NAV3: variants seen among roughly 807,000 people sequenced by gnomAD.
NAV3 encodes the protein pore membrane and/or filament interacting like protein 1.
NAV3 carries 87 observed loss-of-function variants against 244.7 expected under a neutral mutation model. The ratio of observed to expected loss-of-function variants is 0.36; its 90% CI spans 0.30 to 0.42. The LOEUF is 0.42. Ranked by LOEUF, NAV3 falls within the 20% of genes least tolerant of loss-of-function variation. The probability of loss-of-function intolerance (pLI) is 1.00; values close to 1 mark genes in which losing one functional copy is unlikely to be tolerated. For missense variants in NAV3, 2,663 were observed against 2,893.3 expected (o/e 0.92, Z 1.83); for synonymous variants, 1,126 against 1,042.2 (o/e 1.08, Z -1.55).
intron 2 of NAV3, among the ~76,000 whole-genome samples, chr12:77,602,779 A>G (rs77652640): frequency 0.02 from 3,080 of 152,090 alleles, 46 homozygotes; most frequent in Middle Eastern, 0.075. Context: ...TCAGCCTCCT[A>G]CCTGTCAGAA....
intron 2 of NAV3, among the ~76,000 whole-genome samples, chr12:77,591,356 T>G (rs2136718543): frequency 6.6e-6 from 1 of 152,314 alleles, no homozygotes; most frequent in South Asian, 2.1e-4. Context: ...CCTTTTCAGG[T>G]TTTTAGGATT....
chr12:77,946,650 T>A (rs1179053086), intron 3 of NAV3, among the ~76,000 whole-genome samples: 2 of 152,066 alleles, frequency 1.3e-5, no homozygotes, highest in African/African-American at 4.8e-5. Context: ...AAATATATAC[T>A]GCATGTCCCA....
At chr12:77,850,343 A>T (rs1423849860) in intron 1 of NAV3, among the ~76,000 whole-genome samples, 2 of 152,190 alleles carry the variant, frequency 1.3e-5, no homozygotes, top group Non-Finnish European at 2.9e-5. Flanking sequence ...GTGATGTATG[A>T]TATGGATCTT....
chr12:78,041,828 A>C (rs1880908431), intron 9 of NAV3, among the ~76,000 whole-genome samples: 1 of 152,188 alleles, frequency 6.6e-6, no homozygotes, highest in South Asian at 2.1e-4. Flanking sequence ...TAACAGATTA[A>C]ATAGTTAGCT....
intron 12 of NAV3, among the ~76,000 whole-genome samples, chr12:78,109,693 G>T (rs1265196243): frequency 6.6e-6 from 1 of 151,650 alleles, no homozygotes; most frequent in Non-Finnish European, 1.5e-5. Context: ...TAAGACAAAT[G>T]AATATATGAT....
At chr12:77,575,749 C>A (rs1320101601) in intron 2 of NAV3, among the ~76,000 whole-genome samples, 1 of 152,040 alleles carries the variant, frequency 6.6e-6, no homozygotes, top group Non-Finnish European at 1.5e-5. Context: ...TTCAGACAAC[C>A]CTGGAACACT....
chr12:77,824,097 CAG>C (rs1213233892), intron 2 of NAV3, among the ~76,000 whole-genome samples: 4 of 152,018 alleles, frequency 2.6e-5, no homozygotes, highest in African/African-American at 7.2e-5. Flanking sequence ...TTTTTTTAGA[CAG>C]AGTCTCACTC....
intron 2 of NAV3, among the ~76,000 whole-genome samples, chr12:77,660,600 A>G (rs1293778661): frequency 2.0e-5 from 3 of 152,158 alleles, no homozygotes; most frequent in African/African-American, 7.2e-5. Flanking sequence ...GGAAACAGGT[A>G]TGATTGTATG....
At chr12:77,961,450 A>T (rs1237907551) in intron 3 of NAV3, among the ~76,000 whole-genome samples, 1 of 134,042 alleles carries the variant, frequency 7.5e-6, no homozygotes, top group Non-Finnish European at 1.6e-5. Flanking sequence ...CATACATGTA[A>T]TATATGTATA....
At chr12:77,886,980 GT>G (rs1435972547) in intron 1 of NAV3, among the ~76,000 whole-genome samples, 6 of 152,076 alleles carry the variant, frequency 3.9e-5, no homozygotes, top group South Asian at 4.1e-4. Context: ...TTTGACAACA[GT>G]TTTTCATGTT....
At chr12:77,991,824 A>C (rs2136363747) in intron 5 of NAV3, among the ~76,000 whole-genome samples, 1 of 152,296 alleles carries the variant, frequency 6.6e-6, no homozygotes, top group East Asian at 1.9e-4. Context: ...AGAGGTCAGG[A>C]GTTTGAGACC....
chr12:77,888,168 C>T (rs1037989658), intron 1 of NAV3, among the ~76,000 whole-genome samples: 2 of 152,074 alleles, frequency 1.3e-5, no homozygotes, highest in South Asian at 2.1e-4. Context: ...TAAACCCATA[C>T]TCTAACTAAA....
At chr12:77,643,401 C>T (rs1872501158) in intron 2 of NAV3, among the ~76,000 whole-genome samples, 1 of 151,626 alleles carries the variant, frequency 6.6e-6, no homozygotes, top group Non-Finnish European at 1.5e-5. Flanking sequence ...ACTAACAGAT[C>T]TAAATATCTT....
chr12:78,129,640 T>G (rs185656507), intron 18 of NAV3, among the ~76,000 whole-genome samples: 25 of 152,286 alleles, frequency 1.6e-4, no homozygotes. Flanking sequence ...AAAAATATAT[T>G]TATTTTCTAT....
In NAV3 at chr12:77,755,611, C is replaced by CCTTCCTTCCTTCCT. The variant is rs1565800434; in HGVS notation, c.72+183345_72+183346insCTTCCTTCCTTCCT. On this transcript the variant is annotated intron_variant, in intron 2 of 8. Coordinates refer to the NAV3 transcript ENST00000550042. ...CCTCCCTCCCTCCCTCCCTCCCTCC[C>CCTTCCTTCCTTCCT]TCCTTCCTTCCTTCCTTCCTTCCTT... Among the ~76,000 whole-genome samples, 29 of 38,248 alleles carry CCTTCCTTCCTTCCT rather than the reference C, an allele frequency of 7.6e-4. 1 individual carries two copies. The highest frequency in any genetic ancestry group is 1.3e-3 in the Non-Finnish European group (26 of 20,224). The allele number at this position is 38,248 out of a possible 152,430, so 25.1% of individuals were successfully genotyped here.
In NAV3 at chr12:77,966,213, G is replaced by A; in HGVS notation, c.415-16G>A. 6.2e-7 allele frequency: 1 copy of A among 1,611,908 alleles called. No homozygotes were observed. Among genetic ancestry groups the A allele is most frequent in the Non-Finnish European group, 8.5e-7 (1 of 1,178,944 alleles). On this transcript the variant is annotated splice_polypyrimidine_tract_variant and intron_variant, in intron 3 of 39. Coordinates refer to ENST00000397909, the MANE Select transcript of NAV3 (RefSeq NM_001024383.2). Reference sequence around the variant, plus strand: ...TAATCCTCTAAGTTGCTTTTTCACTGCTTTTCATGTTGCAGATTGAAAATG... The same window carrying A: ...TAATCCTCTAAGTTGCTTTTTCACTACTTTTCATGTTGCAGATTGAAAATG...
intron 3 of NAV3, among the ~76,000 whole-genome samples, chr12:77,951,829 A>G (rs1890915751): frequency 6.6e-6 from 1 of 152,110 alleles, no homozygotes. Flanking sequence ...ACAAAAAACC[A>G]AATTCTGCAT....
intron 12 of NAV3, among the ~76,000 whole-genome samples, chr12:78,086,434 A>C (rs777169313): frequency 6.6e-6 from 1 of 152,052 alleles, no homozygotes; most frequent in Non-Finnish European, 1.5e-5. Context: ...AAGTAATAAC[A>C]TGTTTATTTT....
chr12:77,678,578 G>A (rs1232670651), intron 2 of NAV3, among the ~76,000 whole-genome samples: 2 of 152,114 alleles, frequency 1.3e-5, no homozygotes, highest in African/African-American at 4.8e-5. Flanking sequence ...TCAACTTTCT[G>A]CGGAATGCTA....
Sources: allele counts gnomAD v4.1 joint callset (sites outside exome capture counted in the v4.1 genomes callset), GRCh38; gene constraint gnomAD v4.1.1; transcripts MANE v1.5; gene names NCBI Gene and HGNC (gene_info 2026-07-23, HGNC 2026-07-21).